Variants in NOD2 observed in about 807,000 individuals in gnomAD.
NOD2 encodes nucleotide binding oligomerization domain containing 2.
NOD2 carries 86 observed loss-of-function variants against 90.9 expected under a neutral mutation model. The ratio of observed to expected loss-of-function variants is 0.95; its 90% CI spans 0.79 to 1.13. NOD2 has a LOEUF of 1.13. Ranked by LOEUF, NOD2 falls within the 50% of genes most tolerant of loss-of-function variation. NOD2 has a pLI of 0.00. For synonymous variants in NOD2, 581 were observed against 554.6 expected, an observed-to-expected ratio of 1.05 and a Z score of -0.67; for missense variants, 1,238 against 1,283.8, an observed-to-expected ratio of 0.96 and a Z score of 0.55.
rs1215300324 is a variant in NOD2 at position 50,720,153 on chromosome 16, C to G, written c.2633+145C>G. ...GACAAGCCAGGGAGAGAGTGGGCGGCCCTTGACTGCCACCTTCATACTTGG... is the reference window on the plus strand; with the variant it reads ...GACAAGCCAGGGAGAGAGTGGGCGGGCCTTGACTGCCACCTTCATACTTGG... On this transcript the variant is annotated intron_variant, in intron 7 of 11. Coordinates refer to ENST00000647318, the MANE Select transcript of NOD2 (RefSeq NM_001370466.1). 4 of 677,448 alleles carry G rather than the reference C, an allele frequency of 5.9e-6. No individual in the cohort carries two copies. In the East Asian group the frequency reaches 8.1e-5, roughly 14 times the overall value. 42.0% of individuals were successfully genotyped at this position (677,448 alleles called of 1,614,324 possible).
intron 10 of NOD2, among the ~76,000 whole-genome samples, chr16:50,727,155 A>G (rs1965294888): frequency 6.7e-6 from 1 of 149,174 alleles, no homozygotes; most frequent in African/African-American, 2.5e-5. Flanking sequence ...AAAAAAAAAA[A>G]GGATGAGAAA....
In NOD2 at chr16:50,726,072, G is replaced by C. The variant is rs368474657; in HGVS notation, c.2885+500G>C. On this transcript the variant is annotated intron_variant, in intron 10 of 11. Coordinates refer to ENST00000647318, the MANE Select transcript of NOD2 (RefSeq NM_001370466.1). ...AATGGCCTCAGGCAGAGAGTGGAAGGTCTTCTCTGCAAGCAGTGGCTGGGG... is the reference window on the plus strand; with the variant it reads ...AATGGCCTCAGGCAGAGAGTGGAAGCTCTTCTCTGCAAGCAGTGGCTGGGG... Among the ~76,000 whole-genome samples the C allele has an allele frequency of 5.3e-5, 8 of 152,300 alleles. No individual in the cohort carries two copies. In the East Asian group the frequency reaches 1.5e-3, roughly 29 times the overall value.
intron 2 of NOD2, among the ~76,000 whole-genome samples, chr16:50,705,969 G>A (rs556789835): frequency 6.6e-6 from 1 of 152,362 alleles, no homozygotes; most frequent in South Asian, 2.1e-4. Flanking sequence ...AAGGTGATAA[G>A]TGCTGTAGAA....
At chr16:50,727,761 C>T in intron 10 of NOD2, 3 of 339,968 alleles carry the variant, frequency 8.8e-6, no homozygotes, top group South Asian at 2.4e-5. Flanking sequence ...TTGACGAATG[C>T]CGGCTGCAGG....
In NOD2 at chr16:50,699,902, G is replaced by A. The variant is rs1421033155; in HGVS notation, c.407G>A (p.Ser136Asn). 1.9e-6 allele frequency: 3 copies of A among 1,612,160 alleles called. No homozygotes were observed. In the East Asian group the frequency reaches 6.7e-5, roughly 36 times the overall value. ...LDLAWERGFV[S>N]QYECDEIRLP... Reference sequence around the variant, plus strand: ...CTGGCATGGGAGCGGGGTTTCGTCAGCCAGTATGAATGTGATGAAATCAGG... The same window carrying A: ...CTGGCATGGGAGCGGGGTTTCGTCAACCAGTATGAATGTGATGAAATCAGG... The change falls in exon 2 of 12, where the codon AGC (serine) becomes AAC (asparagine). Residue 136 changes from serine to asparagine, a missense_variant. This residue lies in a region of NOD2 where 567 missense variants were observed against 577.3 expected (regional missense o/e 0.98). Coordinates refer to ENST00000647318, the MANE Select transcript of NOD2 (RefSeq NM_001370466.1).
chr16:50,723,430 C>T, intron 9 of NOD2, 46 bp downstream of exon 9: 1 of 1,534,400 alleles, frequency 6.5e-7, no homozygotes, highest in Non-Finnish European at 9.0e-7. Flanking sequence ...ATCACAATCT[C>T]TGTTGATCCC....
Position 50,699,641 on chromosome 16 carries a change from T to C in NOD2, c.146T>C (p.Leu49Pro), listed in dbSNP as rs1963834222. Residue 49 changes from leucine (L) to proline (P), a missense_variant, in exon 2 of 12, where the codon CTC becomes CCC. Physicochemically the swap from Leu to Pro is moderately conservative, Grantham distance 98. Transcript: ENST00000647318. ...TGGGAGGACTACGAGGGCTTCCACC[T>C]CCTGGGCCAGCCTCTCTCCCACTTG... ...LSWEDYEGFH[L>P]LGQPLSHLAR... 6.2e-7 allele frequency: 1 copy of C among 1,614,042 alleles called. No individual in the cohort carries two copies. Among genetic ancestry groups the C allele is most frequent in the African/African-American group, 1.3e-5 (1 of 75,028 alleles).
Position 50,711,533 on chromosome 16 carries a change from G to A in NOD2, c.1541G>A (p.Arg514Gln), listed in dbSNP as rs753857915. ...ASQGLGPSLL[R>Q]GRLPTLLHLG... ...CAAGGTCTGGGACCCAGTCTTCTTC[G>A]GGGCCGCCTCCCCACCCTCCTGCAC... The change falls in exon 4 of 12, where the codon CGG becomes CAG. Residue 514 changes from arginine to glutamine, a missense_variant. Coordinates refer to ENST00000647318, the MANE Select transcript of NOD2 (RefSeq NM_001370466.1). The A allele has an allele frequency of 7.1e-5, 115 of 1,612,732 alleles. 1 individual carries two copies. Among genetic ancestry groups the A allele is most frequent in the South Asian group, 2.4e-4 (22 of 91,080 alleles).
In NOD2 at chr16:50,705,050, A is replaced by G. The variant is rs561205735; in HGVS notation, c.460-2805A>G. On this transcript the variant is annotated intron_variant, in intron 2 of 11. Transcript: ENST00000647318. ...TTTTCATGAAACTACTATTAATTCA[A>G]TGTTAGAATTCCTTGACTGATCATT... 7.2e-5 allele frequency among the ~76,000 whole-genome samples: 11 copies of G among 152,208 alleles called. No individual in the cohort carries two copies. In the South Asian group the frequency reaches 1.2e-3, roughly 17 times the overall value.
chr16:50,694,716 G>A (rs973972579), intron 1 of NOD2, among the ~76,000 whole-genome samples: 1 of 152,206 alleles, frequency 6.6e-6, no homozygotes, highest in African/African-American at 2.4e-5. Context: ...TGCAGAGCAA[G>A]TCAGTTCTTT....
At chr16:50,717,331 C>G (rs1299804817) in intron 6 of NOD2, among the ~76,000 whole-genome samples, 1 of 152,134 alleles carries the variant, frequency 6.6e-6, no homozygotes, top group East Asian at 1.9e-4. Context: ...TACTTGCCAC[C>G]CCAGCTGTGG....
intron 3 of NOD2, 36 bp from the exon 4 acceptor site, chr16:50,710,522 G>T (rs751916042): frequency 6.2e-7 from 1 of 1,613,766 alleles, no homozygotes; most frequent in Non-Finnish European, 8.5e-7. Flanking sequence ...CTTCACCATG[G>T]TGCCACCTTC....
At chr16:50,714,325 C>T (rs1231058304) in intron 4 of NOD2, among the ~76,000 whole-genome samples, 1 of 152,146 alleles carries the variant, frequency 6.6e-6, no homozygotes, top group Non-Finnish European at 1.5e-5. Flanking sequence ...TGTGTAAAGG[C>T]ACTCGTGGCA....
intron 6 of NOD2, 138 bp from the exon 7 acceptor site, chr16:50,719,787 G>T (rs776789987): frequency 5.0e-6 from 4 of 793,372 alleles, no homozygotes; most frequent in African/African-American, 3.4e-5. Flanking sequence ...ACCTAGCAGC[G>T]AGGGCACCTG....
intron 2 of NOD2, among the ~76,000 whole-genome samples, chr16:50,701,773 A>T (rs1963950311): frequency 6.6e-6 from 1 of 152,236 alleles, no homozygotes; most frequent in South Asian, 2.1e-4. Context: ...GGGATAACTC[A>T]TGGGTCAAAG....
intron 7 of NOD2, among the ~76,000 whole-genome samples, chr16:50,720,540 A>G (rs1965007554): frequency 6.6e-6 from 1 of 152,158 alleles, no homozygotes; most frequent in South Asian, 2.1e-4. Context: ...CTGTAGGACC[A>G]TGCTAGGGCC....
intron 3 of NOD2, chr16:50,709,853 T>C (rs1202848077): frequency 2.3e-6 from 1 of 429,180 alleles, no homozygotes; most frequent in Admixed American, 2.6e-5. Context: ...TTTTTGAGAG[T>C]TTGCCATGTC....
chr16:50,720,316 C>G (rs1964998040), intron 7 of NOD2, among the ~76,000 whole-genome samples: 1 of 152,188 alleles, frequency 6.6e-6, no homozygotes, highest in Admixed American at 6.5e-5. Flanking sequence ...CACCTGGAAG[C>G]TTCTAAACAC....
At chr16:50,723,969 T>C (rs116525091) in intron 9 of NOD2, among the ~76,000 whole-genome samples, 1,902 of 152,282 alleles carry the variant, frequency 0.012, 38 homozygotes, top group African/African-American at 0.043. Flanking sequence ...TGATTTTGAG[T>C]TCCTAGGAGC....
Sources: allele counts gnomAD v4.1 joint callset (sites outside exome capture counted in the v4.1 genomes callset), GRCh38; gene constraint gnomAD v4.1.1; regional missense constraint gnomAD v4.1.1; transcripts MANE v1.5; gene names NCBI Gene and HGNC (gene_info 2026-07-23, HGNC 2026-07-21).